The following TIMP3 variants were observed in gnomAD, a reference collection of about 807,000 sequenced individuals.
TIMP3 encodes the protein TIMP metallopeptidase inhibitor 3.
TIMP3 carries 11 observed loss-of-function variants against 30.0 expected under a neutral mutation model. That is an observed-to-expected ratio of 0.37 (90% CI 0.23 to 0.61). The LOEUF is 0.61. Ranked by LOEUF, TIMP3 falls within the 20% of genes least tolerant of loss-of-function variation. The probability of loss-of-function intolerance (pLI) is 0.70; values close to 1 mark genes in which losing one functional copy is unlikely to be tolerated. For synonymous variants in TIMP3, 112 were observed against 111.3 expected, an observed-to-expected ratio of 1.01 and a Z score of -0.04; for missense variants, 181 against 276.8, an observed-to-expected ratio of 0.65 and a Z score of 2.45.
At position 32,859,468 on chromosome 22, in the gene TIMP3, T is replaced by C. The variant is rs2048475548; in HGVS notation, c.*91T>C. On this transcript the variant is annotated 3_prime_UTR_variant, in exon 5 of 5. Transcript: ENST00000266085. ...TCCCAGATGATGACAATGAAATTAG[T>C]GCCTGTTTTCTTGCAAATTTAGCAC... is the stretch of plus-strand genomic sequence containing the variant. 2.1e-6 allele frequency: 3 copies of C among 1,462,982 alleles called. No homozygotes were observed. Among genetic ancestry groups the C allele is most frequent in the Admixed American group, 2.1e-5 (1 of 47,910 alleles). The allele number at this position is 1,462,982 out of a possible 1,614,324, so 90.6% of individuals were successfully genotyped here. A position where few individuals can be genotyped will look rare whatever the true frequency, so the allele number is the denominator to read the frequency against.
At chr22:32,818,661 G>A (rs2047152019) in intron 1 of TIMP3, among the ~76,000 whole-genome samples, 1 of 152,300 alleles carries the variant, frequency 6.6e-6, no homozygotes, top group South Asian at 2.1e-4. Context: ...CCCCTCCGGC[G>A]CTGGGCCTCC....
In TIMP3 at chr22:32,849,502, G is replaced by A. The variant is rs144942953; in HGVS notation, c.172G>A (p.Gly58Ser). Residue 58 changes from glycine (G) to serine (S), a missense_variant, in exon 2 of 5, where the codon GGC becomes AGC. Around this residue, in one of 3 missense-constraint regions of TIMP3, gnomAD observed 71 missense variants for 79.7 expected, o/e 0.89. Transcript: ENST00000266085. ...GAAGCTGGTAAAGGAGGGGCCCTTC[G>A]GCACGCTGGTCTACACCATCAAGCA... ...GKKLVKEGPFGTLVYTIKQMK... is the reference protein window; with the variant it reads ...GKKLVKEGPFSTLVYTIKQMK... The A allele has an allele frequency of 3.1e-6, 5 of 1,613,626 alleles. No homozygotes were observed. Among genetic ancestry groups the A allele is most frequent in the Non-Finnish European group, 2.5e-6 (3 of 1,179,850 alleles).
At chr22:32,811,873 C>T (rs990801906) in intron 1 of TIMP3, among the ~76,000 whole-genome samples, 5 of 152,142 alleles carry the variant, frequency 3.3e-5, no homozygotes, top group Non-Finnish European at 7.3e-5. Flanking sequence ...CATTGATAAG[C>T]AGAGGTAGAA....
In TIMP3 at chr22:32,825,657, C is replaced by CAAAAA. The variant is rs130292; in HGVS notation, c.121+23571_121+23575dup. On this transcript the variant is annotated intron_variant, in intron 1 of 4. Coordinates refer to ENST00000266085, the MANE Select transcript of TIMP3 (RefSeq NM_000362.5). ...TGGGCGACAGAGCGAGTTTCCATCT[C>CAAAAA]AAAAAAAAAAAAAAAAAAAAAAAAA... 1.4e-4 allele frequency among the ~76,000 whole-genome samples: 4 copies of CAAAAA among 28,594 alleles called. 1 individual carries two copies. Among genetic ancestry groups the CAAAAA allele is most frequent in the Admixed American group, 7.0e-4 (1 of 1,430 alleles). 18.8% of individuals were successfully genotyped at this position (28,594 alleles called of 152,430 possible).
At position 32,860,106 on chromosome 22, in the gene TIMP3, T is replaced by G. The variant is rs1328333044; in HGVS notation, c.*729T>G. On this transcript the variant is annotated 3_prime_UTR_variant, in exon 5 of 5. Coordinates refer to ENST00000266085, the MANE Select transcript of TIMP3 (RefSeq NM_000362.5). ...AGAATAACAGAGCTTTCTTAGTTGG[T>G]GAAGACTTAAACATCTGCCTGAGGT... 1 of 152,272 alleles carries G rather than the reference T, an allele frequency of 6.6e-6. No individual in the cohort carries two copies. Among genetic ancestry groups the G allele is most frequent in the African/African-American group, 2.4e-5 (1 of 41,464 alleles). The allele number at this position is 152,272 out of a possible 1,614,324, so 9.4% of individuals were successfully genotyped here. A position where few individuals can be genotyped will look rare whatever the true frequency, so the allele number is the denominator to read the frequency against.
At chr22:32,839,806 T>C (rs531118316) in intron 1 of TIMP3, among the ~76,000 whole-genome samples, 14 of 152,300 alleles carry the variant, frequency 9.2e-5, no homozygotes, top group Admixed American at 6.5e-4. Context: ...TTGTGTTCTT[T>C]TGGGTAATCT....
chr22:32,861,099 T>G lies in TIMP3; in HGVS notation c.*1722T>G, dbSNP rs1425253075. ...TCTGTCTCTTTTTTCAGCTTATGGG[T>G]ATTTATCTTCTATTAGTATTTGTAT... On this transcript the variant is annotated 3_prime_UTR_variant, in exon 5 of 5. Coordinates refer to ENST00000266085, the MANE Select transcript of TIMP3 (RefSeq NM_000362.5). 6.6e-6 allele frequency: 1 copy of G among 151,790 alleles called. No homozygotes were observed. Among genetic ancestry groups the G allele is most frequent in the Non-Finnish European group, 1.5e-5 (1 of 67,838 alleles). 9.4% of individuals were successfully genotyped at this position (151,790 alleles called of 1,614,324 possible). A position where few individuals can be genotyped will look rare whatever the true frequency, so the allele number is the denominator to read the frequency against.
At position 32,801,970 on chromosome 22, in the gene TIMP3, C is replaced by G; in HGVS notation, c.-32C>G. On this transcript the variant is annotated 5_prime_UTR_variant, in exon 1 of 5. Transcript: ENST00000266085. The surrounding 1 kb of genome is among the most constrained non-coding windows in gnomAD (Gnocchi z 4.7). ...CGCACGGCAACTTTGGAGAGGCGAG[C>G]AGCAGCCCCGGCAGCGGCGGCAGCA... 1 of 1,577,882 alleles carries G rather than the reference C, an allele frequency of 6.3e-7. No individual in the cohort carries two copies. Among genetic ancestry groups the G allele is most frequent in the Non-Finnish European group, 8.5e-7 (1 of 1,169,696 alleles).
intron 1 of TIMP3, among the ~76,000 whole-genome samples, chr22:32,842,339 G>T (rs2047934233): frequency 6.6e-6 from 1 of 152,236 alleles, no homozygotes; most frequent in South Asian, 2.1e-4. Flanking sequence ...GTCCAGGCAG[G>T]CCCCTCAGGC....
chr22:32,832,774 C>T (rs1422284312), intron 1 of TIMP3, among the ~76,000 whole-genome samples: 1 of 152,062 alleles, frequency 6.6e-6, no homozygotes, highest in African/African-American at 2.4e-5. Flanking sequence ...TGTCGTTCAG[C>T]TGGAGTGCAG....
intron 1 of TIMP3, among the ~76,000 whole-genome samples, chr22:32,841,334 C>A (rs1453376710): frequency 6.6e-6 from 1 of 152,078 alleles, no homozygotes; most frequent in Non-Finnish European, 1.5e-5. Context: ...TGTCAGGGGC[C>A]AAGGGATTGC....
At chr22:32,815,643 A>T (rs1569246501) in intron 1 of TIMP3, among the ~76,000 whole-genome samples, 1 of 152,188 alleles carries the variant, frequency 6.6e-6, no homozygotes. Context: ...ACATGTAATA[A>T]ATTCTATTCT....
At chr22:32,857,950 G>A in intron 3 of TIMP3, 67 bp from the exon 4 acceptor site, 6 of 1,612,598 alleles carry the variant, frequency 3.7e-6, no homozygotes, top group Non-Finnish European at 5.1e-6. Flanking sequence ...CATAGTAGGT[G>A]TGAATTCTCT....
chr22:32,814,317 C>CGAA, intron 1 of TIMP3, among the ~76,000 whole-genome samples: 1 of 43,708 alleles, frequency 2.3e-5, no homozygotes, highest in Admixed American at 2.8e-4. Flanking sequence ...GAGAGAGAGA[C>CGAA]AGAAAGAAAG....
rs371025631 is a variant in TIMP3 at position 32,803,175 on chromosome 22, G to A, written c.121+1053G>A. Among the ~76,000 whole-genome samples, 45 of 152,284 alleles carry A rather than the reference G, an allele frequency of 3.0e-4. No homozygotes were observed. The East Asian group carries it at 8.3e-3, about 28-fold the overall frequency. On this transcript the variant is annotated intron_variant, in intron 1 of 4. Coordinates refer to ENST00000266085, the MANE Select transcript of TIMP3 (RefSeq NM_000362.5). ...GAGTGTGTGTGTGTGCACTGGGCTG[G>A]GCTGGGCGGTGGGGTGGGACAGCCT... is the stretch of plus-strand genomic sequence containing the variant.
chr22:32,835,350 G>T (rs1392676687), intron 1 of TIMP3, among the ~76,000 whole-genome samples: 1 of 152,224 alleles, frequency 6.6e-6, no homozygotes, highest in Non-Finnish European at 1.5e-5. Context: ...TTTAGTGAGT[G>T]TATGGGGGCA....
chr22:32,836,673 G>A (rs571160685), intron 1 of TIMP3, among the ~76,000 whole-genome samples: 2 of 152,250 alleles, frequency 1.3e-5, no homozygotes, highest in East Asian at 3.9e-4. Flanking sequence ...ATGTGGTTGT[G>A]AGCTGGAAGG....
intron 2 of TIMP3, among the ~76,000 whole-genome samples, chr22:32,852,171 C>A (rs894275509): frequency 1.3e-5 from 2 of 152,168 alleles, no homozygotes; most frequent in African/African-American, 4.8e-5. Context: ...GCAACTGAGA[C>A]CTGGGAGGTC....
At chr22:32,816,854 C>T (rs1442165732) in intron 1 of TIMP3, among the ~76,000 whole-genome samples, 1 of 152,192 alleles carries the variant, frequency 6.6e-6, no homozygotes, top group Non-Finnish European at 1.5e-5. Flanking sequence ...GGGCAGGCAA[C>T]ATTTCTTTGT....
Sources: gnomAD v4.1 joint callset for allele counts (sites outside exome capture counted in the v4.1 genomes callset) on GRCh38, gnomAD v4.1.1 for gene constraint, gnomAD v4.1.1 regional missense constraint, Gnocchi (gnomAD v3.1) non-coding constraint, MANE v1.5 for transcripts, NCBI Gene and HGNC (gene_info 2026-07-23, HGNC 2026-07-21) for gene names.